The following BRWD3 variants were observed in gnomAD, a reference collection of about 807,000 sequenced individuals.
BRWD3 encodes the protein bromodomain and WD repeat domain containing 3.
BRWD3 carries 10 observed loss-of-function variants against 149.7 expected under a neutral mutation model. The observed-to-expected ratio is 0.07, with a 90% CI of 0.04 to 0.11. BRWD3 has a LOEUF of 0.11. Among genes scored for constraint, BRWD3 ranks in the 10% least tolerant of loss-of-function variants. The probability of loss-of-function intolerance (pLI) is 1.00; values close to 1 mark genes in which losing one functional copy is unlikely to be tolerated. For missense variants in BRWD3, 940 were observed against 1,373.2 expected (o/e 0.68, Z 4.99); for synonymous variants, 504 against 456.7 (o/e 1.10, Z -1.32).
chrX:80,743,876 TA>T lies in BRWD3; in HGVS notation c.813+155del, dbSNP rs2073555028. On this transcript the variant is annotated intron_variant, in intron 8 of 40. Transcript: ENST00000373275. ...AAGATAATCATATGAAAAAGGAACT[TA>T]AAAAAATATCTTGCTGCAGGGTAGG... The T allele has an allele frequency of 3.7e-5, 15 of 404,151 alleles. No homozygotes were observed. The East Asian group carries it at 5.1e-4, about 14-fold the overall frequency. 33.3% of individuals were successfully genotyped at this position (404,151 alleles called of 1,213,427 possible).
intron 4 of BRWD3, among the ~76,000 whole-genome samples, chrX:80,801,399 G>A (rs1443380482): frequency 9.4e-6 from 1 of 106,164 alleles, no homozygotes; most frequent in Non-Finnish European, 1.9e-5. Context: ...TGTATTTTTA[G>A]TAGAGACAGG....
chrX:80,719,363 C>T, intron 18 of BRWD3, 126 bp downstream of exon 18: 1 of 612,993 alleles, frequency 1.6e-6, no homozygotes, highest in Non-Finnish European at 2.4e-6. Context: ...TATCTGATAT[C>T]AAAATTGTAA....
At position 80,704,801 on chromosome X, in the gene BRWD3, T is replaced by A. The variant is rs2072838705; in HGVS notation, c.2598A>T (p.Ile866=). 8.3e-7 allele frequency: 1 copy of A among 1,209,539 alleles called. No homozygotes were observed. Among genetic ancestry groups the A allele is most frequent in the Admixed American group, 2.2e-5 (1 of 45,787 alleles). ...TTTGTCTTTTTGGGGGTTGTAAATTTATTCCAGCATCTGCTGTCCAATCAG... is the reference window on the plus strand; with the variant it reads ...TTTGTCTTTTTGGGGGTTGTAAATTAATTCCAGCATCTGCTGTCCAATCAG... ...EYSDWTADAG[I]NLQPPKRQTR... Residue 866 remains isoleucine, a synonymous_variant, in exon 23 of 41, where the codon ATA becomes ATT. Coordinates refer to ENST00000373275, the MANE Select transcript of BRWD3 (RefSeq NM_153252.5).
intron 17 of BRWD3, among the ~76,000 whole-genome samples, chrX:80,720,318 T>A (rs750102748): frequency 1.8e-5 from 2 of 111,303 alleles, no homozygotes; most frequent in African/African-American, 6.5e-5. Context: ...GACCTTCCAG[T>A]GGGACAAGCA....
chrX:80,688,993 AT>A, intron 33 of BRWD3, among the ~76,000 whole-genome samples: 1 of 3,962 alleles, frequency 2.5e-4, no homozygotes, highest in East Asian at 0.5. Flanking sequence ...CATGAAAAAA[AT>A]AAAAAAAAAC....
chrX:80,698,149 T>G (rs1485267781), intron 25 of BRWD3, among the ~76,000 whole-genome samples: 1 of 112,064 alleles, frequency 8.9e-6, no homozygotes, highest in African/African-American at 3.2e-5. Flanking sequence ...CATTTTTAAA[T>G]GAGATTGTTT....
intron 14 of BRWD3, 103 bp from the exon 15 acceptor site, chrX:80,725,170 T>C: frequency 1.1e-6 from 1 of 885,611 alleles, no homozygotes; most frequent in Non-Finnish European, 1.6e-6. Flanking sequence ...AATGAATTTA[T>C]GCAGAATAAT....
chrX:80,784,701 C>G (rs1342130324), intron 6 of BRWD3, among the ~76,000 whole-genome samples: 1 of 112,032 alleles, frequency 8.9e-6, no homozygotes, highest in Non-Finnish European at 1.9e-5. Context: ...ATCCATGTCC[C>G]TGCAAAGGAC....
chrX:80,728,157 G>A (rs2073277039), intron 14 of BRWD3, among the ~76,000 whole-genome samples: 3 of 111,623 alleles, frequency 2.7e-5, no homozygotes, highest in Admixed American at 1.9e-4. Flanking sequence ...CTTATGAATT[G>A]ATAGTTGAAA....
At chrX:80,699,696 A>C (rs941652667) in intron 25 of BRWD3, among the ~76,000 whole-genome samples, 6 of 111,927 alleles carry the variant, frequency 5.4e-5, no homozygotes, top group African/African-American at 2.0e-4. Flanking sequence ...GATTACGGAA[A>C]ATATCCACAA....
chrX:80,755,563 G>A (rs1185022592), intron 6 of BRWD3, among the ~76,000 whole-genome samples: 2 of 111,274 alleles, frequency 1.8e-5, no homozygotes, highest in African/African-American at 6.5e-5. Flanking sequence ...GATCCCTTAG[G>A]AAAATAACTT....
At chrX:80,763,075 TTTAAA>T (rs1260621195) in intron 6 of BRWD3, among the ~76,000 whole-genome samples, 1 of 111,990 alleles carries the variant, frequency 8.9e-6, no homozygotes, top group East Asian at 2.8e-4. Flanking sequence ...TAAATCCCCT[TTTAAA>T]TTAAAGTTAA....
Position 80,745,434 on chromosome X carries a change from T to C in BRWD3, c.591+135A>G, listed in dbSNP as rs999481853. On this transcript the variant is annotated intron_variant, in intron 7 of 40. Coordinates refer to ENST00000373275, the MANE Select transcript of BRWD3 (RefSeq NM_153252.5). ...ATATAAAATGAGAAACTTTTTTCAA[T>C]TTCCACTCATCTTTTTCTGCACCCA... is the stretch of plus-strand genomic sequence containing the variant. 198 of 517,874 alleles carry C rather than the reference T, an allele frequency of 3.8e-4. 1 individual carries two copies. Among genetic ancestry groups the C allele is most frequent in the Middle Eastern group, 4.9e-4 (1 of 2,052 alleles). 42.7% of individuals were successfully genotyped at this position (517,874 alleles called of 1,213,427 possible).
chrX:80,809,381 G>C, intron 1 of BRWD3, 60 bp downstream of exon 1: 1 of 1,135,598 alleles, frequency 8.8e-7, no homozygotes, highest in South Asian at 1.9e-5. Flanking sequence ...GAAACTGACA[G>C]CCTTCGCGCT....
Position 80,733,504 on chromosome X carries a change from A to G in BRWD3, c.1087-8T>C. The G allele has an allele frequency of 1.7e-6, 2 of 1,188,924 alleles. No homozygotes were observed. ...AACAGCAACAACTTTATCCTAAGAC[A>G]TGAAACAGATTTTTCGTTAAAATGG... On this transcript the variant is annotated splice_polypyrimidine_tract_variant and splice_region_variant and intron_variant, in intron 11 of 40. Coordinates refer to ENST00000373275, the MANE Select transcript of BRWD3 (RefSeq NM_153252.5).
rs1310911698 is a variant in BRWD3, at chrX:80,671,433, C to G, written c.*5176G>C. The G allele has an allele frequency of 1.8e-5, 2 of 111,739 alleles. No homozygotes were observed. Among genetic ancestry groups the G allele is most frequent in the Non-Finnish European group, 3.8e-5 (2 of 53,072 alleles). 9.2% of individuals were successfully genotyped at this position (111,739 alleles called of 1,213,427 possible). The stretch of plus-strand genomic sequence containing the variant: ...TCTATGACAAAGAAACAAGAAAGAC[C>G]TAAGAGTTACATGTTACAATCTCTA... On this transcript the variant is annotated 3_prime_UTR_variant, in exon 41 of 41. Transcript: ENST00000373275.
intron 24 of BRWD3, among the ~76,000 whole-genome samples, chrX:80,703,125 G>GT (rs750186923): frequency 4.0e-4 from 44 of 108,729 alleles, no homozygotes; most frequent in East Asian, 1.2e-3. Flanking sequence ...AACGTGTTTT[G>GT]TTTTTTTTTA....
At chrX:80,736,884 G>A (rs2073412389) in intron 8 of BRWD3, among the ~76,000 whole-genome samples, 1 of 111,549 alleles carries the variant, frequency 9.0e-6, no homozygotes, top group Admixed American at 9.5e-5. Flanking sequence ...AATTGGACAA[G>A]AGTTTCTGGC....
chrX:80,804,566 TA>T (rs755536405), intron 4 of BRWD3, among the ~76,000 whole-genome samples: 1 of 111,924 alleles, frequency 8.9e-6, no homozygotes, highest in Admixed American at 9.5e-5. Flanking sequence ...ACGAGACTCC[TA>T]AAAATGATTT....
Sources: gnomAD v4.1 joint callset for allele counts (sites outside exome capture counted in the v4.1 genomes callset) on GRCh38, gnomAD v4.1.1 for gene constraint, MANE v1.5 for transcripts, NCBI Gene and HGNC (gene_info 2026-07-23, HGNC 2026-07-21) for gene names.